GPHN: variants seen among roughly 807,000 people sequenced by gnomAD.
GPHN encodes gephyrin.
A neutral mutation model predicts 95.5 loss-of-function variants in GPHN; 17 were observed. The ratio of observed to expected loss-of-function variants is 0.18; its 90% CI spans 0.12 to 0.27. GPHN has a LOEUF of 0.27. Among genes scored for constraint, GPHN ranks in the 10% least tolerant of loss-of-function variants. GPHN has a pLI of 1.00. For synonymous variants in GPHN, 320 were observed against 322.5 expected (o/e 0.99, Z 0.08); for missense variants, 660 against 978.1 (o/e 0.67, Z 4.34).
the GPHN span, among the ~76,000 whole-genome samples, chr14:67,604,173 C>T: frequency 6.6e-6 from 1 of 152,154 alleles, no homozygotes; most frequent in Non-Finnish European, 1.5e-5. Context: ...GATGGATAGG[C>T]AAAGAATGTC....
At chr14:67,010,396 CA>C (rs996737507) in intron 9 of GPHN, among the ~76,000 whole-genome samples, 1 of 150,836 alleles carries the variant, frequency 6.6e-6, no homozygotes, top group African/African-American at 2.4e-5. Context: ...TAAAAAAATA[CA>C]AAAAATTAGC....
intron 11 of GPHN, among the ~76,000 whole-genome samples, chr14:67,077,353 C>T (rs1227507853): frequency 6.6e-6 from 1 of 152,124 alleles, no homozygotes; most frequent in Non-Finnish European, 1.5e-5. Flanking sequence ...TAAGGTTAGG[C>T]AAGGCTAGGC....
At chr14:67,394,182 C>G in the GPHN span, among the ~76,000 whole-genome samples, 2 of 152,172 alleles carry the variant, frequency 1.3e-5, no homozygotes, top group Non-Finnish European at 2.9e-5. Flanking sequence ...TATTTCTATG[C>G]CAGACACACA....
intron 17 of GPHN, among the ~76,000 whole-genome samples, chr14:67,135,169 A>G (rs192415167): frequency 1.5e-3 from 225 of 152,096 alleles, no homozygotes; most frequent in African/African-American, 5.2e-3. Context: ...CATGTTGGCC[A>G]GGCTGGTCTC....
the GPHN span, chr14:67,541,903 A>G: frequency 6.2e-7 from 1 of 1,604,530 alleles, no homozygotes; most frequent in Non-Finnish European, 8.5e-7. Flanking sequence ...CGGCCAGCGT[A>G]GACTGGCAGA....
intron 9 of GPHN, among the ~76,000 whole-genome samples, chr14:67,013,765 A>G (rs1594816576): frequency 6.6e-6 from 1 of 152,138 alleles, no homozygotes; most frequent in South Asian, 2.1e-4. Context: ...CACTGAAATG[A>G]GTAAAGCATT....
chr14:66,737,438 T>C (rs2072395464), intron 2 of GPHN, among the ~76,000 whole-genome samples: 1 of 152,158 alleles, frequency 6.6e-6, no homozygotes, highest in South Asian at 2.1e-4. Flanking sequence ...AGCCCCTTTT[T>C]CTTTTTTTTT....
At chr14:67,070,684 G>A (rs1420544074) in intron 11 of GPHN, among the ~76,000 whole-genome samples, 6 of 84,694 alleles carry the variant, frequency 7.1e-5, no homozygotes, top group Non-Finnish European at 1.0e-4. Flanking sequence ...GACAGAGTGA[G>A]ACTTCATCTC....
the GPHN span, chr14:67,301,587 A>T: frequency 1.8e-6 from 1 of 552,294 alleles, no homozygotes; most frequent in East Asian, 3.1e-5. Flanking sequence ...GATGTTTACA[A>T]CCCCATCTAT....
chr14:66,547,111 T>C (rs1795232167), intron 1 of GPHN, among the ~76,000 whole-genome samples: 1 of 152,210 alleles, frequency 6.6e-6, no homozygotes, highest in Non-Finnish European at 1.5e-5. Context: ...TTTTGCCTTC[T>C]TCCTCTATCC....
chr14:66,696,015 A>G (rs78899592), intron 2 of GPHN, among the ~76,000 whole-genome samples: 1 of 152,194 alleles, frequency 6.6e-6, no homozygotes, highest in African/African-American at 2.4e-5. Flanking sequence ...TTTGGGTGAT[A>G]ATGATGTGTC....
chr14:67,334,349 A>G, the GPHN span: 1 of 152,626 alleles, frequency 6.6e-6, no homozygotes, highest in East Asian at 1.9e-4. Context: ...AGCCTTTAGG[A>G]TAGTGTGATG....
intron 1 of GPHN, among the ~76,000 whole-genome samples, chr14:66,546,032 A>C (rs1270568490): frequency 7.9e-6 from 1 of 126,806 alleles, no homozygotes; most frequent in Non-Finnish European, 1.7e-5. Flanking sequence ...CCGGGCAGAG[A>C]CGCTCCTCAC....
At chr14:67,383,616 T>C in the GPHN span, 1 of 828,832 alleles carries the variant, frequency 1.2e-6, no homozygotes, top group South Asian at 1.5e-5. Context: ...TGTCAGCTGT[T>C]GTCACACAGT....
chr14:67,512,735 A>G, the GPHN span, among the ~76,000 whole-genome samples: 1 of 152,162 alleles, frequency 6.6e-6, no homozygotes, highest in Non-Finnish European at 1.5e-5. Flanking sequence ...CTCCTCAGAA[A>G]CTGGAAGGTG....
chr14:67,438,144 G>C, the GPHN span, among the ~76,000 whole-genome samples: 1 of 152,120 alleles, frequency 6.6e-6, no homozygotes, highest in African/African-American at 2.4e-5. Flanking sequence ...AAGCTCCCAG[G>C]ACAGTATGCT....
chr14:67,672,442 CTTTTCTTTTTTTT>C, the GPHN span, among the ~76,000 whole-genome samples: 17 of 101,740 alleles, frequency 1.7e-4, no homozygotes, highest in African/African-American at 5.2e-4. Context: ...TTTTTCTTTT[CTTTTCTTTTTTTT>C]TTTTTTTTGA....
the GPHN span, among the ~76,000 whole-genome samples, chr14:67,678,885 T>C: frequency 5.3e-5 from 8 of 151,442 alleles, no homozygotes; most frequent in South Asian, 1.5e-3. Flanking sequence ...GAAGTTATAC[T>C]GTTAGTAAAC....
At chr14:66,806,064 C>G (rs1020945664) in intron 3 of GPHN, among the ~76,000 whole-genome samples, 3 of 152,214 alleles carry the variant, frequency 2.0e-5, no homozygotes, top group Non-Finnish European at 4.4e-5. Context: ...TTTCATATGT[C>G]TGAAATCTAG....
Sources: gnomAD v4.1 joint callset for allele counts (sites outside exome capture counted in the v4.1 genomes callset) on GRCh38, gnomAD v4.1.1 for gene constraint, MANE v1.5 for transcripts, NCBI Gene and HGNC (gene_info 2026-07-23, HGNC 2026-07-21) for gene names.